INPP4B: variants seen among roughly 807,000 people sequenced by gnomAD.
The protein encoded by INPP4B is inositol polyphosphate-4-phosphatase type II B, also known as inositol polyphosphate 4-phosphatase type II.
INPP4B carries 55 observed loss-of-function variants against 122.5 expected under a neutral mutation model. The observed-to-expected ratio is 0.45, with a 90% CI of 0.36 to 0.56. The LOEUF is 0.56. INPP4B is among the 20% of genes least tolerant of loss of function. The pLI is 0.00. For missense variants in INPP4B, 1,000 were observed against 1,097.7 expected (o/e 0.91, Z 1.26); for synonymous variants, 403 against 388.7 (o/e 1.04, Z -0.43).
At chr4:142,044,823 T>G (rs1345701752) in intron 25 of INPP4B, among the ~76,000 whole-genome samples, 1 of 152,146 alleles carries the variant, frequency 6.6e-6, no homozygotes, top group African/African-American at 2.4e-5. Flanking sequence ...ATAGATAAGT[T>G]TCACTGATTA....
At chr4:142,029,602 T>C (rs1195347778) in intron 25 of INPP4B, 25 of 985,018 alleles carry the variant, frequency 2.5e-5, no homozygotes, top group Non-Finnish European at 3.0e-5. Flanking sequence ...TTACAAAACA[T>C]AAATAGCCAT....
intron 18 of INPP4B, among the ~76,000 whole-genome samples, chr4:142,131,969 AC>A (rs1801524882): frequency 6.6e-6 from 1 of 151,888 alleles, no homozygotes; most frequent in Non-Finnish European, 1.5e-5. Flanking sequence ...AAAAAAAAAA[AC>A]AAAAATATTA....
intron 2 of INPP4B, among the ~76,000 whole-genome samples, chr4:142,701,412 A>C (rs1452789416): frequency 4.6e-5 from 7 of 151,900 alleles, no homozygotes; most frequent in Non-Finnish European, 1.0e-4. Context: ...CAATCAGGTC[A>C]AGGGCAGCCA....
intron 18 of INPP4B, 56 bp downstream of exon 18, chr4:142,145,784 C>A (rs557134169): frequency 1.5e-4 from 224 of 1,520,166 alleles, no homozygotes; most frequent in Non-Finnish European, 1.9e-4. Flanking sequence ...TTTTTTTTCA[C>A]GAGTTTCTCA....
At chr4:142,838,072 C>G (rs1783030293) in intron 1 of INPP4B, among the ~76,000 whole-genome samples, 1 of 149,904 alleles carries the variant, frequency 6.7e-6, no homozygotes, top group Admixed American at 6.7e-5. Context: ...TGAACCAGAA[C>G]AGAGCTTATC....
chr4:142,050,380 T>C (rs1753848083), intron 25 of INPP4B, among the ~76,000 whole-genome samples: 1 of 152,038 alleles, frequency 6.6e-6, no homozygotes, highest in Non-Finnish European at 1.5e-5. Flanking sequence ...CTCATTACTT[T>C]AACATTTTTC....
chr4:142,410,921 T>A (rs2149242741), intron 5 of INPP4B, among the ~76,000 whole-genome samples: 1 of 152,346 alleles, frequency 6.6e-6, no homozygotes, highest in Admixed American at 6.5e-5. Context: ...TAATTTTATA[T>A]AAAGTTATTC....
At chr4:142,171,148 A>C (rs992090181) in intron 16 of INPP4B, among the ~76,000 whole-genome samples, 1 of 151,676 alleles carries the variant, frequency 6.6e-6, no homozygotes, top group Non-Finnish European at 1.5e-5. Flanking sequence ...ATGCCACCTC[A>C]TTACAAAATA....
chr4:142,680,058 A>G (rs1456218852), intron 2 of INPP4B, among the ~76,000 whole-genome samples: 1 of 151,878 alleles, frequency 6.6e-6, no homozygotes. Context: ...TTAGCTAGCC[A>G]TACCCTTCAT....
chr4:142,504,974 T>C (rs1456540724), intron 2 of INPP4B, among the ~76,000 whole-genome samples: 1 of 151,834 alleles, frequency 6.6e-6, no homozygotes, highest in Non-Finnish European at 1.5e-5. Context: ...CAAGAAGAAA[T>C]AGGAAAAATA....
chr4:142,367,186 ATATGTGTGTGTGTGTG>A (rs1787836570), intron 7 of INPP4B, among the ~76,000 whole-genome samples: 1 of 106,418 alleles, frequency 9.4e-6, no homozygotes, highest in African/African-American at 3.3e-5. Context: ...TATACATGTA[ATATGTGTGTGTGTGTG>A]TGTGTGTGTG....
chr4:142,636,375 C>T (rs577522015), intron 2 of INPP4B, among the ~76,000 whole-genome samples: 99 of 151,972 alleles, frequency 6.5e-4, no homozygotes, highest in African/African-American at 2.3e-3. Context: ...TGTGTAAAAC[C>T]TATATGAAGA....
intron 5 of INPP4B, among the ~76,000 whole-genome samples, chr4:142,419,093 T>G (rs1388406593): frequency 1.3e-5 from 2 of 152,080 alleles, no homozygotes; most frequent in African/African-American, 4.8e-5. Context: ...TTTGAGTAAC[T>G]AAGTGGATGG....
chr4:142,230,116 C>G (rs986524005), intron 12 of INPP4B, among the ~76,000 whole-genome samples: 1 of 152,046 alleles, frequency 6.6e-6, no homozygotes, highest in Non-Finnish European at 1.5e-5. Context: ...AAGAAATAAC[C>G]ATTGTTCATA....
intron 11 of INPP4B, among the ~76,000 whole-genome samples, chr4:142,257,625 A>G (rs1033957340): frequency 5.3e-5 from 8 of 152,238 alleles, no homozygotes; most frequent in African/African-American, 1.9e-4. Flanking sequence ...AGAGAATCAA[A>G]TACCTAGGAA....
rs1560782180 is a variant in INPP4B at position 142,545,756 on chromosome 4, C to CACGTAT, written c.-190-83031_-190-83030insATACGT. Among the ~76,000 whole-genome samples the CACGTAT allele has an allele frequency of 9.6e-3, 713 of 74,524 alleles. 48 individuals carry two copies. Among genetic ancestry groups the CACGTAT allele is most frequent in the African/African-American group, 0.027 (686 of 25,304 alleles). 48.9% of individuals were successfully genotyped at this position (74,524 alleles called of 152,430 possible). A position where few individuals can be genotyped will look rare whatever the true frequency, so the allele number is the denominator to read the frequency against. On this transcript the variant is annotated intron_variant, in intron 2 of 25. Coordinates refer to ENST00000262992, the MANE Select transcript of INPP4B (RefSeq NM_001101669.3). ...ACACATATATGTGTATATATATACA[C>CACGTAT]ATGTATATGTGTGTATATATATACA...
chr4:142,256,532 G>T (rs1257226864), intron 11 of INPP4B, among the ~76,000 whole-genome samples: 10 of 151,992 alleles, frequency 6.6e-5, no homozygotes, highest in Non-Finnish European at 1.5e-4. Flanking sequence ...TATCACCACC[G>T]ATCCCACAGA....
chr4:142,653,635 G>A (rs1226262599), intron 2 of INPP4B, among the ~76,000 whole-genome samples: 7 of 152,160 alleles, frequency 4.6e-5, no homozygotes, highest in African/African-American at 7.2e-5. Context: ...ATCATCACTG[G>A]TCACCAGAGA....
At chr4:142,527,574 T>C (rs967886593) in intron 2 of INPP4B, among the ~76,000 whole-genome samples, 4 of 152,136 alleles carry the variant, frequency 2.6e-5, no homozygotes, top group African/African-American at 9.6e-5. Context: ...TTTCAAAACA[T>C]TATAAAATCC....
Sources: allele counts gnomAD v4.1 joint callset (sites outside exome capture counted in the v4.1 genomes callset), GRCh38; gene constraint gnomAD v4.1.1; transcripts MANE v1.5; gene names NCBI Gene and HGNC (gene_info 2026-07-23, HGNC 2026-07-21).